ART1: variants seen among roughly 807,000 people sequenced by gnomAD.
The protein encoded by ART1 is ADP-ribosyltransferase 1.
Under a neutral mutation model 27.0 loss-of-function variants are expected in ART1, and 29 were observed. The ratio of observed to expected loss-of-function variants is 1.08; its 90% CI spans 0.80 to 1.47. ART1 has a LOEUF of 1.47. ART1 is among the 40% of genes most tolerant of loss of function. The pLI is 0.00. For synonymous variants in ART1, 201 were observed against 172.2 expected, an observed-to-expected ratio of 1.17 and a Z score of -1.31; for missense variants, 480 against 423.0, an observed-to-expected ratio of 1.13 and a Z score of -1.18.
At chr11:3,657,293 G>T (rs2077582625) in intron 1 of ART1, among the ~76,000 whole-genome samples, 1 of 152,156 alleles carries the variant, frequency 6.6e-6, no homozygotes, top group Non-Finnish European at 1.5e-5. Context: ...AGAAAACAGA[G>T]GCTGGGAGCT....
chr11:3,664,308 C>A lies in ART1; in HGVS notation c.*119C>A. ...TCCCATCTGCAGGGAACTCTGGGAC[C>A]TTCTCTGGTAGCTGCCAGACCGGCT... is the stretch of plus-strand genomic sequence containing the variant. On this transcript the variant is annotated 3_prime_UTR_variant, in exon 5 of 5. Coordinates refer to ENST00000250693, the MANE Select transcript of ART1 (RefSeq NM_004314.3). 1.0e-6 allele frequency: 1 copy of A among 969,806 alleles called. No homozygotes were observed. The highest frequency in any genetic ancestry group is 1.6e-6 in the Non-Finnish European group (1 of 636,546). 60.1% of individuals were successfully genotyped at this position (969,806 alleles called of 1,614,324 possible). A position where few individuals can be genotyped will look rare whatever the true frequency, so the allele number is the denominator to read the frequency against.
Position 3,658,690 on chromosome 11 carries a change from C to T in ART1, c.-52-472C>T, listed in dbSNP as rs367817464. ...TCCTGCTAAGGCCCCACCAGCTGAA[C>T]ACTCCTGGATCTGCCCCTGTCCCAA... is the stretch of plus-strand genomic sequence containing the variant. On this transcript the variant is annotated intron_variant, in intron 1 of 4. Transcript: ENST00000250693. 2.8e-4 allele frequency among the ~76,000 whole-genome samples: 42 copies of T among 152,272 alleles called. No individual in the cohort carries two copies. The South Asian group carries it at 8.3e-3, about 30-fold the overall frequency.
At chr11:3,660,498 A>G (rs2077612779) in intron 3 of ART1, 135 bp downstream of exon 3, 1 of 1,040,220 alleles carries the variant, frequency 9.6e-7, no homozygotes, top group Non-Finnish European at 1.4e-6. Flanking sequence ...ACCAGCTCCC[A>G]ACCCCTTCCA....
intron 1 of ART1, among the ~76,000 whole-genome samples, chr11:3,648,452 C>T (rs181661507): frequency 2.2e-4 from 34 of 152,338 alleles, no homozygotes; most frequent in Non-Finnish European, 3.7e-4. Context: ...AATTTCAAAT[C>T]CAGTAAGCAG....
chr11:3,653,413 A>G (rs2077542913), intron 1 of ART1, among the ~76,000 whole-genome samples: 1 of 147,932 alleles, frequency 6.8e-6, no homozygotes, highest in South Asian at 2.2e-4. Flanking sequence ...CTGGCTCAAA[A>G]GCTCCTCTAC....
intron 1 of ART1, among the ~76,000 whole-genome samples, chr11:3,653,275 G>C (rs1177494181): frequency 1.3e-5 from 2 of 148,730 alleles, no homozygotes; most frequent in African/African-American, 2.6e-5. Context: ...CCTGTGACCT[G>C]CACATACACA....
At chr11:3,651,161 A>G (rs59053715) in intron 1 of ART1, among the ~76,000 whole-genome samples, 14,709 of 144,130 alleles carry the variant, frequency 0.1, 798 homozygotes, top group South Asian at 0.15. Context: ...TCCTCCCTCT[A>G]CAACCCATTA....
Position 3,664,411 on chromosome 11 carries a change from G to A in ART1, c.*222G>A, listed in dbSNP as rs534186662. The stretch of plus-strand genomic sequence containing the variant: ...AGTGAGACTCTGAATAAAGGGTTGG[G>A]CCGGCGGTGTGGCAGGTACTTCAAG... On this transcript the variant is annotated 3_prime_UTR_variant, in exon 5 of 5. Transcript: ENST00000250693. 6 of 518,400 alleles carry A rather than the reference G, an allele frequency of 1.2e-5. No individual in the cohort carries two copies. The highest frequency in any genetic ancestry group is 9.7e-5 in the African/African-American group (5 of 51,456). 32.1% of individuals were successfully genotyped at this position (518,400 alleles called of 1,614,324 possible).
intron 1 of ART1, among the ~76,000 whole-genome samples, chr11:3,654,979 C>G (rs1047408287): frequency 6.6e-6 from 1 of 152,242 alleles, no homozygotes; most frequent in Admixed American, 6.5e-5. Context: ...TGGGCTTTTG[C>G]TGCATAACTA....
intron 4 of ART1, chr11:3,663,841 G>C: frequency 2.4e-6 from 1 of 422,384 alleles, no homozygotes; most frequent in Non-Finnish European, 4.3e-6. Context: ...TTAGCAGTGG[G>C]GGGACTGTAC....
At chr11:3,650,826 A>C in intron 1 of ART1, among the ~76,000 whole-genome samples, 1 of 135,270 alleles carries the variant, frequency 7.4e-6, no homozygotes, top group Admixed American at 8.5e-5. Context: ...CCCCACCTTA[A>C]TCCACAAGTA....
intron 1 of ART1, among the ~76,000 whole-genome samples, chr11:3,657,780 C>A (rs771610900): frequency 6.6e-6 from 1 of 152,062 alleles, no homozygotes. Flanking sequence ...TAAAAACATG[C>A]ACACACATAG....
chr11:3,659,556 C>T (rs1269458643), intron 2 of ART1, 27 bp from the exon 3 acceptor site: 19 of 1,561,198 alleles, frequency 1.2e-5, no homozygotes, highest in Non-Finnish European at 1.5e-5. Context: ...CCTATCCTCT[C>T]AGTCCCTGCT....
intron 1 of ART1, among the ~76,000 whole-genome samples, chr11:3,646,505 G>A (rs1451099056): frequency 6.6e-6 from 1 of 152,188 alleles, no homozygotes; most frequent in African/African-American, 2.4e-5. Context: ...CCCTGAGCTA[G>A]ATTAAGCCTA....
At chr11:3,653,820 T>A (rs1565041540) in intron 1 of ART1, among the ~76,000 whole-genome samples, 2 of 139,966 alleles carry the variant, frequency 1.4e-5, no homozygotes, top group Non-Finnish European at 3.1e-5. Flanking sequence ...CATTCTCCCA[T>A]CAGACATCAA....
At chr11:3,655,063 C>A (rs1193857826) in intron 1 of ART1, among the ~76,000 whole-genome samples, 1 of 152,220 alleles carries the variant, frequency 6.6e-6, no homozygotes, top group Non-Finnish European at 1.5e-5. Context: ...GGGTTGACGG[C>A]AAGTGGCTTA....
chr11:3,648,395 C>A (rs1018444385), intron 1 of ART1, among the ~76,000 whole-genome samples: 2 of 152,166 alleles, frequency 1.3e-5, no homozygotes, highest in Non-Finnish European at 2.9e-5. Context: ...AAAGACCCAC[C>A]TACAACCTCA....
intron 1 of ART1, among the ~76,000 whole-genome samples, chr11:3,656,333 C>T (rs2077574089): frequency 6.6e-6 from 1 of 151,864 alleles, no homozygotes; most frequent in Non-Finnish European, 1.5e-5. Flanking sequence ...TACAGATATG[C>T]ACCACCACAC....
At chr11:3,658,227 G>A (rs964469131) in intron 1 of ART1, among the ~76,000 whole-genome samples, 10 of 151,712 alleles carry the variant, frequency 6.6e-5, no homozygotes, top group Non-Finnish European at 1.2e-4. Context: ...CAGCTACTCC[G>A]GAGGCTGAGG....
Sources: gnomAD v4.1 joint callset for allele counts (sites outside exome capture counted in the v4.1 genomes callset) on GRCh38, gnomAD v4.1.1 for gene constraint, MANE v1.5 for transcripts, NCBI Gene and HGNC (gene_info 2026-07-23, HGNC 2026-07-21) for gene names.